The following TCERG1L variants were observed in gnomAD, a reference collection of about 807,000 sequenced individuals.
The protein encoded by TCERG1L is transcription elongation regulator 1 like, also known as transcription elongation regulator 1-like protein.
TCERG1L carries 37 observed loss-of-function variants against 56.3 expected under a neutral mutation model. The ratio of observed to expected loss-of-function variants is 0.66; its 90% confidence interval spans 0.51 to 0.87. TCERG1L has a LOEUF of 0.87. Ranked by LOEUF, TCERG1L falls within the 40% of genes least tolerant of loss-of-function variation. TCERG1L has a pLI of 0.00. For missense variants in TCERG1L, 799 were observed against 774.2 expected (o/e 1.03, Z -0.38); for synonymous variants, 324 against 326.3 (o/e 0.99, Z 0.08).
intron 4 of TCERG1L, among the ~76,000 whole-genome samples, chr10:131,183,516 G>A (rs935061155): frequency 7.9e-5 from 12 of 152,144 alleles, no homozygotes; most frequent in Admixed American, 2.0e-4. Context: ...GGCTTCTCTC[G>A]TATTTCAGTG....
At chr10:131,292,080 AG>A (rs1284866637) in intron 3 of TCERG1L, among the ~76,000 whole-genome samples, 2 of 152,344 alleles carry the variant, frequency 1.3e-5, no homozygotes, top group East Asian at 3.9e-4. Context: ...ATAACCAAGT[AG>A]GATTTCATAT....
At chr10:131,150,963 T>C (rs1278611042) in intron 6 of TCERG1L, among the ~76,000 whole-genome samples, 1 of 152,146 alleles carries the variant, frequency 6.6e-6, no homozygotes, top group East Asian at 1.9e-4. Context: ...CAGACTCTTA[T>C]AAAACCATCA....
At chr10:131,136,881 C>A (rs1845681177) in intron 7 of TCERG1L, among the ~76,000 whole-genome samples, 1 of 151,756 alleles carries the variant, frequency 6.6e-6, no homozygotes, top group Admixed American at 6.6e-5. Flanking sequence ...GTGGCTCACG[C>A]CTGTAATCCC....
intron 4 of TCERG1L, among the ~76,000 whole-genome samples, chr10:131,176,960 A>G (rs1462487154): frequency 1.9e-5 from 1 of 53,946 alleles, no homozygotes; most frequent in Non-Finnish European, 6.2e-5. Flanking sequence ...ACACGTGTAC[A>G]CACAGAGACA....
intron 8 of TCERG1L, among the ~76,000 whole-genome samples, chr10:131,124,185 C>T (rs983481960): frequency 5.3e-5 from 8 of 152,172 alleles, no homozygotes; most frequent in Non-Finnish European, 1.2e-4. Flanking sequence ...GATCTCTGGC[C>T]TCTGACAGGT....
At chr10:131,219,548 C>T (rs1845707430) in intron 4 of TCERG1L, among the ~76,000 whole-genome samples, 1 of 152,172 alleles carries the variant, frequency 6.6e-6, no homozygotes, top group Admixed American at 6.5e-5. Flanking sequence ...CCACAAAGGC[C>T]ACTCTGCAGT....
At chr10:131,174,892 T>C (rs1293910890) in intron 4 of TCERG1L, among the ~76,000 whole-genome samples, 6 of 124,676 alleles carry the variant, frequency 4.8e-5, no homozygotes, top group African/African-American at 1.5e-4. Flanking sequence ...CCCTGCAACC[T>C]GAACTCACCC....
chr10:131,275,992 C>A (rs1470454945), intron 3 of TCERG1L, among the ~76,000 whole-genome samples: 1 of 152,214 alleles, frequency 6.6e-6, no homozygotes, highest in East Asian at 1.9e-4. Context: ...CCTGCCTCCA[C>A]CACACACACA....
At chr10:131,194,971 A>C (rs557268510) in intron 4 of TCERG1L, among the ~76,000 whole-genome samples, 46 of 152,312 alleles carry the variant, frequency 3.0e-4, no homozygotes, top group African/African-American at 1.0e-3. Context: ...ATGTGCCACT[A>C]AATCCAGCCC....
chr10:131,101,413 T>C (rs1845302872), intron 10 of TCERG1L, among the ~76,000 whole-genome samples: 1 of 152,250 alleles, frequency 6.6e-6, no homozygotes. Context: ...GAGAATGATC[T>C]TACTTATTCA....
In TCERG1L at chr10:131,220,825, C is replaced by A. The variant is rs541482810; in HGVS notation, c.856+39434G>T. ...GAAAGGGGGTGGGGGTGGAGAGCAG[C>A]ACCTCGGGGGCTCCGAGGGTTTGCC... On this transcript the variant is annotated intron_variant, in intron 4 of 11. Transcript: ENST00000368642. Among the ~76,000 whole-genome samples the A allele has an allele frequency of 1.3e-4, 20 of 152,322 alleles. No individual in the cohort carries two copies. In the South Asian group the frequency reaches 3.9e-3, roughly 30 times the overall value.
chr10:131,166,851 A>C lies in TCERG1L; in HGVS notation c.891T>G (p.Pro297=). 1 of 1,613,516 alleles carries C rather than the reference A, an allele frequency of 6.2e-7. No homozygotes were observed. Among genetic ancestry groups the C allele is most frequent in the Non-Finnish European group, 8.5e-7 (1 of 1,179,882 alleles). Residue 297 remains proline, a synonymous_variant, in exon 5 of 12, where the codon CCT becomes CCG. Coordinates refer to ENST00000368642, the MANE Select transcript of TCERG1L (RefSeq NM_174937.4). ...TCTGGGCCCGCAGCATCAGGGCAGG[A>C]GGGCGGGCCACTCGGCCCCGCTCTG... The part of the protein sequence containing the change: ...TRTERGRVAR[P]PALMLRAQKS...
intron 10 of TCERG1L, among the ~76,000 whole-genome samples, chr10:131,100,497 A>G (rs993490492): frequency 6.6e-6 from 1 of 152,194 alleles, no homozygotes; most frequent in African/African-American, 2.4e-5. Flanking sequence ...TTTCATCCTT[A>G]ACAAATTATA....
chr10:131,136,961 G>A (rs963690095), intron 7 of TCERG1L, among the ~76,000 whole-genome samples: 3 of 151,730 alleles, frequency 2.0e-5, no homozygotes, highest in African/African-American at 7.2e-5. Flanking sequence ...CCAACATGGT[G>A]AAACCTCGTT....
intron 4 of TCERG1L, among the ~76,000 whole-genome samples, chr10:131,168,500 T>G (rs532491230): frequency 6.6e-6 from 1 of 152,252 alleles, no homozygotes; most frequent in Admixed American, 6.5e-5. Flanking sequence ...ATCAGCAAAT[T>G]TATTTCAGGT....
At chr10:131,207,384 C>A (rs1457194604) in intron 4 of TCERG1L, among the ~76,000 whole-genome samples, 12 of 152,192 alleles carry the variant, frequency 7.9e-5, no homozygotes, top group Non-Finnish European at 1.5e-4. Context: ...CAGGAGGGAG[C>A]CTGCAGGGCC....
intron 9 of TCERG1L, among the ~76,000 whole-genome samples, chr10:131,115,968 G>C (rs1845455841): frequency 1.3e-5 from 2 of 152,206 alleles, no homozygotes; most frequent in Non-Finnish European, 2.9e-5. Context: ...GCAGCCTGAG[G>C]GGTGGGTGCT....
chr10:131,115,141 C>T (rs895706908), intron 9 of TCERG1L, among the ~76,000 whole-genome samples: 8 of 152,354 alleles, frequency 5.3e-5, no homozygotes, highest in South Asian at 2.1e-4. Context: ...GGGCATGTGC[C>T]GATATAGGCA....
At chr10:131,205,396 A>C (rs1190953745) in intron 4 of TCERG1L, among the ~76,000 whole-genome samples, 1 of 152,134 alleles carries the variant, frequency 6.6e-6, no homozygotes, top group Non-Finnish European at 1.5e-5. Flanking sequence ...TAAAATCAAA[A>C]AGTGAGAGAA....
Sources: gnomAD v4.1 joint callset for allele counts (sites outside exome capture counted in the v4.1 genomes callset) on GRCh38, gnomAD v4.1.1 for gene constraint, MANE v1.5 for transcripts, NCBI Gene and HGNC (gene_info 2026-07-23, HGNC 2026-07-21) for gene names.